Variants in ST3GAL2 observed in about 807,000 individuals in gnomAD.
ST3GAL2 encodes the protein CMP-N-acetylneuraminate-beta-galactosamide-alpha-2,3-sialyltransferase 2.
Under a neutral mutation model 37.5 loss-of-function variants are expected in ST3GAL2, and 16 were observed. The observed-to-expected ratio is 0.43, with a 90% CI of 0.29 to 0.65. The LOEUF (loss-of-function observed/expected upper bound fraction) is 0.65. Among genes scored for constraint, ST3GAL2 ranks in the 30% least tolerant of loss-of-function variants. ST3GAL2 has a pLI of 0.17. For synonymous variants in ST3GAL2, 238 were observed against 202.9 expected (o/e 1.17, Z -1.47); for missense variants, 383 against 487.8 (o/e 0.79, Z 2.02).
chr16:70,414,399 G>A (rs1330910951), intron 1 of ST3GAL2, among the ~76,000 whole-genome samples: 2 of 152,172 alleles, frequency 1.3e-5, no homozygotes, highest in African/African-American at 4.8e-5. Flanking sequence ...ATGTGGCCTG[G>A]GCAGGCCTTC....
intron 1 of ST3GAL2, among the ~76,000 whole-genome samples, chr16:70,411,083 A>G (rs559754946): frequency 1.3e-5 from 2 of 152,072 alleles, no homozygotes; most frequent in East Asian, 3.9e-4. Flanking sequence ...TCTTGGAAAG[A>G]TTTTCCTTTC....
intron 1 of ST3GAL2, among the ~76,000 whole-genome samples, chr16:70,423,383 G>A (rs1427823856): frequency 6.6e-6 from 1 of 152,164 alleles, no homozygotes. Context: ...GGTGGCACAT[G>A]CCTGTCATCC....
intron 1 of ST3GAL2, chr16:70,400,662 G>A (rs1315870040): frequency 6.6e-6 from 1 of 152,264 alleles, no homozygotes; most frequent in Non-Finnish European, 1.5e-5. Context: ...TATTCTGGGT[G>A]AGAAATGATG....
Position 70,381,601 on chromosome 16 carries a change from T to C in ST3GAL2, c.*88A>G, listed in dbSNP as rs891003016. On this transcript the variant is annotated 3_prime_UTR_variant, in exon 7 of 7. Coordinates refer to ENST00000342907, the MANE Select transcript of ST3GAL2 (RefSeq NM_006927.4). ...CAGCAGACGCCCCTGGGCTGCAGCA[T>C]GATTGGTCGCGGGTTGCTGGTCCTG... 5.3e-6 allele frequency: 8 copies of C among 1,496,206 alleles called. No individual in the cohort carries two copies. The highest frequency in any genetic ancestry group is 3.9e-5 in the Admixed American group (2 of 51,382). 92.7% of individuals were successfully genotyped at this position (1,496,206 alleles called of 1,614,324 possible). A position where few individuals can be genotyped will look rare whatever the true frequency, so the allele number is the denominator to read the frequency against.
intron 1 of ST3GAL2, among the ~76,000 whole-genome samples, chr16:70,431,356 G>A (rs928178861): frequency 2.6e-5 from 4 of 152,236 alleles, no homozygotes; most frequent in Non-Finnish European, 4.4e-5. Flanking sequence ...CCTGCCCGCA[G>A]GGCTAGGACT....
intron 1 of ST3GAL2, among the ~76,000 whole-genome samples, chr16:70,434,440 AC>A (rs1425120693): frequency 6.6e-6 from 1 of 152,048 alleles, no homozygotes; most frequent in Non-Finnish European, 1.5e-5. Flanking sequence ...CATCTCAAAA[AC>A]AAAAAAAAAA....
intron 1 of ST3GAL2, among the ~76,000 whole-genome samples, chr16:70,426,437 C>CA (rs1286691099): frequency 6.6e-6 from 1 of 151,630 alleles, no homozygotes; most frequent in East Asian, 1.9e-4. Flanking sequence ...TGACCTCAGG[C>CA]AATCCGCCTG....
At chr16:70,403,329 GAA>G (rs1211235834) in intron 1 of ST3GAL2, among the ~76,000 whole-genome samples, 3 of 152,204 alleles carry the variant, frequency 2.0e-5, no homozygotes, top group African/African-American at 7.2e-5. Context: ...TCACTATACA[GAA>G]AAGACAGAAA....
chr16:70,434,182 T>C (rs76924937), intron 1 of ST3GAL2, among the ~76,000 whole-genome samples: 5,229 of 152,238 alleles, frequency 0.034, 312 homozygotes, highest in African/African-American at 0.12. Flanking sequence ...CTCACACCTA[T>C]AGTCCCAGCA....
At chr16:70,412,914 C>A (rs1048335242) in intron 1 of ST3GAL2, among the ~76,000 whole-genome samples, 3 of 151,806 alleles carry the variant, frequency 2.0e-5, no homozygotes, top group African/African-American at 7.3e-5. Flanking sequence ...AGCGTGGTAG[C>A]GCATGCCTGT....
intron 2 of ST3GAL2, among the ~76,000 whole-genome samples, chr16:70,396,778 C>T (rs1188921548): frequency 2.0e-5 from 3 of 152,134 alleles, no homozygotes; most frequent in Non-Finnish European, 4.4e-5. Context: ...GCTGACATGG[C>T]TCCACCCATG....
intron 1 of ST3GAL2, among the ~76,000 whole-genome samples, chr16:70,403,738 G>A (rs1337854447): frequency 6.6e-6 from 1 of 152,178 alleles, no homozygotes; most frequent in Non-Finnish European, 1.5e-5. Flanking sequence ...GCTTGAACCA[G>A]GGAGTCAGAG....
In ST3GAL2 at chr16:70,379,796, ATT is replaced by A. The variant is rs11438171; in HGVS notation, c.*1891_*1892del. On this transcript the variant is annotated 3_prime_UTR_variant, in exon 7 of 7. Coordinates refer to ENST00000342907, the MANE Select transcript of ST3GAL2 (RefSeq NM_006927.4). ...ACCACTGCGCCTGGCTAATTTTTGT[ATT>A]TTTTTTTTTTTTTGGTAGAGACGAG... 14 of 138,030 alleles carry A rather than the reference ATT, an allele frequency of 1.0e-4. No individual in the cohort carries two copies. Among genetic ancestry groups the A allele is most frequent in the South Asian group, 2.3e-4 (1 of 4,334 alleles). The allele number at this position is 138,030 out of a possible 1,614,324, so 8.6% of individuals were successfully genotyped here.
chr16:70,382,404 TC>T (rs1436052102), intron 6 of ST3GAL2, among the ~76,000 whole-genome samples: 5 of 152,152 alleles, frequency 3.3e-5, no homozygotes, highest in Non-Finnish European at 5.9e-5. Context: ...TGACTCAGCC[TC>T]CCGAGTAGCT....
At chr16:70,414,120 C>T (rs2047658916) in intron 1 of ST3GAL2, among the ~76,000 whole-genome samples, 1 of 152,174 alleles carries the variant, frequency 6.6e-6, no homozygotes, top group Non-Finnish European at 1.5e-5. Context: ...TTTACAGTGC[C>T]ATCCTGACTG....
intron 3 of ST3GAL2, among the ~76,000 whole-genome samples, chr16:70,392,813 C>G (rs1265379018): frequency 6.6e-6 from 1 of 152,136 alleles, no homozygotes; most frequent in Non-Finnish European, 1.5e-5. Context: ...GAGATAGGGT[C>G]TTGCTCTGTT....
intron 1 of ST3GAL2, among the ~76,000 whole-genome samples, chr16:70,431,661 T>TA (rs2047790592): frequency 7.5e-6 from 1 of 133,072 alleles, no homozygotes; most frequent in Non-Finnish European, 1.5e-5. Context: ...TCCCATCTCT[T>TA]TAAAAAAAAA....
At chr16:70,420,865 G>A (rs2047709992) in intron 1 of ST3GAL2, among the ~76,000 whole-genome samples, 1 of 152,192 alleles carries the variant, frequency 6.6e-6, no homozygotes, top group Non-Finnish European at 1.5e-5. Flanking sequence ...CCAGAGTGAA[G>A]GTATAGAAAT....
chr16:70,383,827 C>T (rs762331883), intron 4 of ST3GAL2, among the ~76,000 whole-genome samples: 5 of 151,474 alleles, frequency 3.3e-5, no homozygotes, highest in Non-Finnish European at 7.4e-5. Context: ...AAGCCTTCAA[C>T]GGTCCCCATG....
Sources: gnomAD v4.1 joint callset for allele counts (sites outside exome capture counted in the v4.1 genomes callset) on GRCh38, gnomAD v4.1.1 for gene constraint, MANE v1.5 for transcripts, NCBI Gene and HGNC (gene_info 2026-07-23, HGNC 2026-07-21) for gene names.